Variants in SLC36A1 observed in about 807,000 individuals in gnomAD.
SLC36A1 encodes proton-coupled amino acid transporter 1.
A neutral mutation model predicts 47.5 loss-of-function variants in SLC36A1; 30 were observed. The ratio of observed to expected loss-of-function variants is 0.63; its 90% CI spans 0.47 to 0.86. The LOEUF is 0.86. Ranked by LOEUF, SLC36A1 falls within the 40% of genes least tolerant of loss-of-function variation. The pLI is 0.00. For synonymous variants in SLC36A1, 255 were observed against 249.7 expected, an observed-to-expected ratio of 1.02 and a Z score of -0.20; for missense variants, 517 against 606.0, an observed-to-expected ratio of 0.85 and a Z score of 1.54.
At chr5:151,467,096 T>C in intron 5 of SLC36A1, 103 bp from the exon 6 acceptor site, 1 of 832,264 alleles carries the variant, frequency 1.2e-6, no homozygotes, top group Non-Finnish European at 2.0e-6. Flanking sequence ...GCACTTGTAC[T>C]CCCTAAATCT....
At chr5:151,517,615 C>T in the SLC36A1 span, 1 of 1,613,928 alleles carries the variant, frequency 6.2e-7, no homozygotes, top group African/African-American at 1.3e-5. Context: ...CTGGCAGTGC[C>T]TTACCTTCAG....
chr5:151,546,568 A>G, the SLC36A1 span, among the ~76,000 whole-genome samples: 1 of 152,338 alleles, frequency 6.6e-6, no homozygotes, highest in Non-Finnish European at 1.5e-5. Context: ...TTTCTGGGAC[A>G]CAACTTAAGC....
the SLC36A1 span, among the ~76,000 whole-genome samples, chr5:151,393,296 G>C: frequency 1.3e-5 from 2 of 151,998 alleles, no homozygotes; most frequent in Non-Finnish European, 2.9e-5. Context: ...CTATGTGTGT[G>C]TCTGCACATG....
chr5:151,393,882 T>C, the SLC36A1 span, among the ~76,000 whole-genome samples: 1 of 152,234 alleles, frequency 6.6e-6, no homozygotes, highest in South Asian at 2.1e-4. Context: ...TTATGTGTCT[T>C]GGAGTTGTTC....
the SLC36A1 span, among the ~76,000 whole-genome samples, chr5:151,416,245 C>T: frequency 6.6e-6 from 1 of 152,210 alleles, no homozygotes; most frequent in Non-Finnish European, 1.5e-5. Context: ...ATCCTGTCCT[C>T]TTTGTGTTTA....
chr5:151,370,924 C>T, the SLC36A1 span, among the ~76,000 whole-genome samples: 1 of 152,116 alleles, frequency 6.6e-6, no homozygotes, highest in East Asian at 1.9e-4. Context: ...ACCCGGGAGA[C>T]GGAGGTTGCA....
upstream of SLC36A1, among the ~76,000 whole-genome samples, chr5:151,433,206 A>C (rs1287702151): frequency 8.4e-6 from 1 of 119,262 alleles, no homozygotes; most frequent in African/African-American, 3.0e-5. Context: ...GAAAATAACT[A>C]AAACTTCTGA....
At chr5:151,534,622 C>A in the SLC36A1 span, 1 of 1,612,718 alleles carries the variant, frequency 6.2e-7, no homozygotes, top group Non-Finnish European at 8.5e-7. Flanking sequence ...CGGTCTAGGG[C>A]AGTGAGTGTG....
chr5:151,507,338 G>A, the SLC36A1 span: 3 of 1,614,176 alleles, frequency 1.9e-6, no homozygotes, highest in Admixed American at 1.7e-5. Context: ...TGAGGTTGTT[G>A]CAGGAGCTGG....
chr5:151,470,964 G>C (rs73796599), intron 7 of SLC36A1: 2 of 152,148 alleles, frequency 1.3e-5, no homozygotes, highest in Non-Finnish European at 2.9e-5. Context: ...ACTGCATATC[G>C]TTGCTTCTGA....
the SLC36A1 span, among the ~76,000 whole-genome samples, chr5:151,427,864 C>T: frequency 6.6e-6 from 1 of 152,176 alleles, no homozygotes. Context: ...TTTTGGTGTG[C>T]GTTCCTCTAC....
chr5:151,371,360 T>A, the SLC36A1 span, among the ~76,000 whole-genome samples: 4 of 152,194 alleles, frequency 2.6e-5, no homozygotes, highest in African/African-American at 9.6e-5. Context: ...AAAACAAACA[T>A]ATACATAATT....
the SLC36A1 span, among the ~76,000 whole-genome samples, chr5:151,385,009 A>AGTGTGTGTGTGTGT: frequency 8.6e-3 from 1,102 of 128,420 alleles, 18 homozygotes; most frequent in African/African-American, 0.036. Flanking sequence ...AGAGAGAGAG[A>AGTGTGTGTGTGTGT]GTGTGTGTGT....
the SLC36A1 span, chr5:151,534,366 C>G: frequency 6.7e-7 from 1 of 1,495,412 alleles, no homozygotes; most frequent in Non-Finnish European, 9.1e-7. Context: ...CCAAGGTGAC[C>G]CAGGAGATCA....
chr5:151,534,541 T>C, the SLC36A1 span: 1 of 1,614,062 alleles, frequency 6.2e-7, no homozygotes, highest in Non-Finnish European at 8.5e-7. Flanking sequence ...TGGAGGGTGA[T>C]GTCTGCCTGG....
chr5:151,534,159 T>C, the SLC36A1 span, among the ~76,000 whole-genome samples: 1 of 152,172 alleles, frequency 6.6e-6, no homozygotes. Context: ...AGTCCCCAGG[T>C]CTAAGTGGAA....
At chr5:151,382,929 G>T in the SLC36A1 span, among the ~76,000 whole-genome samples, 1 of 152,138 alleles carries the variant, frequency 6.6e-6, no homozygotes, top group Non-Finnish European at 1.5e-5. Context: ...TTCCATGGCT[G>T]CCTCTAAAAC....
the SLC36A1 span, among the ~76,000 whole-genome samples, chr5:151,374,145 C>T: frequency 2.0e-5 from 3 of 152,178 alleles, no homozygotes; most frequent in East Asian, 1.9e-4. Flanking sequence ...CTACCCTGGC[C>T]GGAAGACACC....
the SLC36A1 span, chr5:151,543,073 T>C: frequency 1.2e-6 from 2 of 1,614,146 alleles, no homozygotes; most frequent in Non-Finnish European, 1.7e-6. Context: ...TAAGGATACT[T>C]TTTTAGGAAC....
Sources: gnomAD v4.1 joint callset for allele counts (sites outside exome capture counted in the v4.1 genomes callset) on GRCh38, gnomAD v4.1.1 for gene constraint, MANE v1.5 for transcripts, NCBI Gene and HGNC (gene_info 2026-07-23, HGNC 2026-07-21) for gene names.